The following ASB5 variants were observed in gnomAD, a reference collection of about 807,000 sequenced individuals.
ASB5 encodes the protein ankyrin repeat and SOCS box protein 5.
In ASB5, 45 loss-of-function variants were observed where a neutral mutation model predicts 42.1. The ratio of observed to expected loss-of-function variants is 1.07; its 90% CI spans 0.84 to 1.37. The LOEUF (loss-of-function observed/expected upper bound fraction) is 1.37, where lower values mean the gene tolerates loss of function less well. Among genes scored for constraint, ASB5 ranks in the 40% most tolerant of loss-of-function variants. The pLI is 0.00. For synonymous variants in ASB5, 147 were observed against 150.6 expected, an observed-to-expected ratio of 0.98 and a Z score of 0.18; for missense variants, 402 against 399.8, an observed-to-expected ratio of 1.01 and a Z score of -0.05.
intron 1 of ASB5, among the ~76,000 whole-genome samples, chr4:176,260,989 T>C (rs1350365515): frequency 6.6e-6 from 1 of 152,166 alleles, no homozygotes; most frequent in Non-Finnish European, 1.5e-5. Flanking sequence ...TGCGAAAAGT[T>C]CTACATCACT....
Position 176,215,664 on chromosome 4 carries a change from C to A in ASB5, c.926G>T (p.Arg309Ile). ...CTGGAGTTGTGGGATAAGGTGCAAT[C>A]TTGGTTTTCCTATGTAGCTTCGGAT... ...LCIRSYIGKPRLHLIPQLQLP... is the reference protein window; with the variant it reads ...LCIRSYIGKPILHLIPQLQLP... The change falls in exon 7 of 7, where the codon AGA (arginine) becomes ATA (isoleucine). Residue 309 changes from arginine (R) to isoleucine (I), a missense_variant. Physicochemically the swap from Arg to Ile is moderately conservative, Grantham distance 97. Coordinates refer to ENST00000296525, the MANE Select transcript of ASB5 (RefSeq NM_080874.4). The A allele has an allele frequency of 4.3e-6, 7 of 1,613,218 alleles. No individual in the cohort carries two copies. Among genetic ancestry groups the A allele is most frequent in the Non-Finnish European group, 5.9e-6 (7 of 1,179,516 alleles).
At chr4:176,233,070 C>T (rs1753590312) in intron 1 of ASB5, among the ~76,000 whole-genome samples, 1 of 152,186 alleles carries the variant, frequency 6.6e-6, no homozygotes. Flanking sequence ...CTACCTGCCT[C>T]ACTGAATTGT....
At chr4:176,236,396 G>T (rs1753686032) in intron 1 of ASB5, among the ~76,000 whole-genome samples, 1 of 152,118 alleles carries the variant, frequency 6.6e-6, no homozygotes, top group African/African-American at 2.4e-5. Flanking sequence ...CACTGGATAG[G>T]CATTTGTTGA....
At chr4:176,231,202 T>G (rs1753531561) in intron 1 of ASB5, among the ~76,000 whole-genome samples, 2 of 149,864 alleles carry the variant, frequency 1.3e-5, no homozygotes, top group South Asian at 4.2e-4. Flanking sequence ...CACCAGCCAC[T>G]GTCGAGGTAA....
intron 1 of ASB5, among the ~76,000 whole-genome samples, chr4:176,226,545 C>T (rs13130810): frequency 0.38 from 57,846 of 151,852 alleles, 11,303 homozygotes; most frequent in Non-Finnish European, 0.43. Flanking sequence ...CATATAGCTG[C>T]GTCTTTCTCT....
intron 1 of ASB5, among the ~76,000 whole-genome samples, chr4:176,267,769 A>G (rs759484110): frequency 1.3e-5 from 2 of 152,286 alleles, no homozygotes; most frequent in African/African-American, 2.4e-5. Flanking sequence ...AAGAACATCA[A>G]TTCCTCATGT....
intron 1 of ASB5, among the ~76,000 whole-genome samples, chr4:176,227,612 G>C (rs1753415502): frequency 6.6e-6 from 1 of 152,182 alleles, no homozygotes; most frequent in African/African-American, 2.4e-5. Context: ...GATCCTTTGA[G>C]GTTGGCGCTA....
rs574541976 is a variant in ASB5 at position 176,275,487 on chromosome 4, T to A, written c.-90+309A>T. 6.6e-5 allele frequency among the ~76,000 whole-genome samples: 10 copies of A among 152,298 alleles called. No individual in the cohort carries two copies. In the South Asian group the frequency reaches 2.1e-3, roughly 32 times the overall value. On this transcript the variant is annotated intron_variant, in intron 2 of 2. Coordinates refer to the ASB5 transcript ENST00000505299. ...ACATGTTCTTATTAGACTTATAAATTTAATACTTTTTATATAACATGAGCA... is the reference window on the plus strand; with the variant it reads ...ACATGTTCTTATTAGACTTATAAATATAATACTTTTTATATAACATGAGCA...
intron 2 of ASB5, among the ~76,000 whole-genome samples, chr4:176,223,074 G>A (rs1264721534): frequency 2.6e-5 from 4 of 152,044 alleles, no homozygotes; most frequent in African/African-American, 7.3e-5. Context: ...CACCGCGCCC[G>A]GCCAACTTGT....
At position 176,224,295 on chromosome 4, in the gene ASB5, C is replaced by T. The variant is rs1459421116; in HGVS notation, c.276+967G>A. Among the ~76,000 whole-genome samples, 3 of 122,722 alleles carry T rather than the reference C, an allele frequency of 2.4e-5. No homozygotes were observed. The East Asian group carries it at 8.7e-4, about 36-fold the overall frequency. 80.5% of individuals were successfully genotyped at this position (122,722 alleles called of 152,430 possible). A position where few individuals can be genotyped will look rare whatever the true frequency, so the allele number is the denominator to read the frequency against. On this transcript the variant is annotated intron_variant, in intron 2 of 6. Transcript: ENST00000296525. Reference sequence around the variant, plus strand: ...TGTCGCCTAGGCTGGAGTGCAATGGCGTGAACTTGGCTCACGGCAACCTCT... The same window carrying T: ...TGTCGCCTAGGCTGGAGTGCAATGGTGTGAACTTGGCTCACGGCAACCTCT...
At chr4:176,221,985 T>C (rs1417943670) in intron 3 of ASB5, among the ~76,000 whole-genome samples, 1 of 152,212 alleles carries the variant, frequency 6.6e-6, no homozygotes, top group African/African-American at 2.4e-5. Context: ...GTAGTTCTAT[T>C]TCTGAGACTT....
chr4:176,225,726 A>C (rs772110257), intron 1 of ASB5, among the ~76,000 whole-genome samples: 24 of 152,126 alleles, frequency 1.6e-4, no homozygotes, highest in Middle Eastern at 3.2e-3. Flanking sequence ...AGTAGCAGGG[A>C]CTACAGGCGC....
intron 5 of ASB5, among the ~76,000 whole-genome samples, chr4:176,219,618 A>ATATG (rs1753142579): frequency 8.2e-6 from 1 of 122,606 alleles, no homozygotes; most frequent in African/African-American, 3.3e-5. Context: ...ATATATATAT[A>ATATG]GGCTGGAGTA....
At chr4:176,237,243 A>T (rs1753708511) in intron 1 of ASB5, 2 of 978,620 alleles carry the variant, frequency 2.0e-6, no homozygotes, top group Non-Finnish European at 2.4e-6. Context: ...AAACAGGCCA[A>T]TGTGGTTTAT....
chr4:176,214,060 C>A lies in ASB5; in HGVS notation c.*1540G>T. The A allele has an allele frequency of 6.6e-6, 1 of 152,120 alleles. No individual in the cohort carries two copies. Among genetic ancestry groups the A allele is most frequent in the East Asian group, 1.9e-4 (1 of 5,200 alleles). The allele number at this position is 152,120 out of a possible 1,614,324, so 9.4% of individuals were successfully genotyped here. ...AAAACACATATTTAAAGGTCCCTATCCTCATATAAAACATTGTTTAGTGAA... is the reference window on the plus strand; with the variant it reads ...AAAACACATATTTAAAGGTCCCTATACTCATATAAAACATTGTTTAGTGAA... On this transcript the variant is annotated 3_prime_UTR_variant, in exon 7 of 7. Transcript: ENST00000296525.
intron 1 of ASB5, among the ~76,000 whole-genome samples, chr4:176,250,517 C>T (rs1005469553): frequency 1.3e-5 from 2 of 152,136 alleles, no homozygotes; most frequent in African/African-American, 4.8e-5. Flanking sequence ...CCTTCCAGAT[C>T]ACAAAAGAAA....
rs192989616 is a variant in ASB5 at position 176,240,965 on chromosome 4, C to T, written c.197-15624G>A. ...ACTACAAAAATTTCAAACATATATG[C>T]GCGTCCATGCACAGTGTCAACAATT... On this transcript the variant is annotated intron_variant, in intron 1 of 6. Transcript: ENST00000296525. Among the ~76,000 whole-genome samples the T allele has an allele frequency of 1.1e-3, 161 of 152,206 alleles. 1 individual carries two copies. The highest frequency in any genetic ancestry group is 3.6e-3 in the African/African-American group (149 of 41,532).
At chr4:176,263,062 T>A (rs771000503) in intron 1 of ASB5, among the ~76,000 whole-genome samples, 1 of 152,154 alleles carries the variant, frequency 6.6e-6, no homozygotes, top group Non-Finnish European at 1.5e-5. Context: ...CATGGATAGA[T>A]TAATGCTTGC....
At chr4:176,218,448 A>G (rs1368843028) in intron 5 of ASB5, among the ~76,000 whole-genome samples, 1 of 125,674 alleles carries the variant, frequency 8.0e-6, no homozygotes, top group Admixed American at 9.0e-5. Flanking sequence ...AAATATATAT[A>G]TTTGTATGAT....
Sources: gnomAD v4.1 joint callset for allele counts (sites outside exome capture counted in the v4.1 genomes callset) on GRCh38, gnomAD v4.1.1 for gene constraint, MANE v1.5 for transcripts, NCBI Gene and HGNC (gene_info 2026-07-23, HGNC 2026-07-21) for gene names.